Variants in STARD4 observed in about 807,000 individuals in gnomAD.
STARD4 encodes the protein StAR related lipid transfer domain containing 4.
In STARD4, 33 loss-of-function variants were observed where a neutral mutation model predicts 24.9. The observed-to-expected ratio is 1.32, with a 90% CI of 1.00 to 1.77. The LOEUF is 1.77. STARD4 is among the 40% of genes most tolerant of loss of function. The pLI is 0.00. For missense variants in STARD4, 238 were observed against 249.3 expected (o/e 0.95, Z 0.31); for synonymous variants, 88 against 77.4 (o/e 1.14, Z -0.72).
At chr5:111,504,493 T>C (rs1162734826) in intron 3 of STARD4, among the ~76,000 whole-genome samples, 2 of 152,154 alleles carry the variant, frequency 1.3e-5, no homozygotes, top group African/African-American at 4.8e-5. Context: ...TATAAATATA[T>C]GGTCAAAGTA....
chr5:111,503,522 C>G (rs866426469), intron 3 of STARD4, among the ~76,000 whole-genome samples: 2 of 151,830 alleles, frequency 1.3e-5, no homozygotes, highest in African/African-American at 2.4e-5. Flanking sequence ...CCAGCTGCTT[C>G]GGAGGCTGAG....
At chr5:111,504,913 A>G in intron 3 of STARD4, 1 of 432,096 alleles carries the variant, frequency 2.3e-6, no homozygotes, top group Non-Finnish European at 4.6e-6. Flanking sequence ...TGCCACCACC[A>G]TCGCTATCAT....
chr5:111,502,039 G>C lies in STARD4; in HGVS notation c.205C>G (p.His69Asp), dbSNP rs755248840. The C allele has an allele frequency of 1.9e-6, 3 of 1,614,026 alleles. No homozygotes were observed. ...IDDLVYSIID[H>D]IRPGPCRLDW... is the part of the protein sequence containing the mutation. The stretch of plus-strand genomic sequence containing the variant: ...AAACGACAAGGCCCTGGGCGTATAT[G>C]GTCTATTATACTATAGACAAGGTCA... Residue 69 changes from histidine (H) to aspartate (D), a missense_variant, in exon 4 of 6, where the codon CAT (histidine) becomes GAT (aspartate). Coordinates refer to ENST00000296632, the MANE Select transcript of STARD4 (RefSeq NM_139164.3).
chr5:111,506,193 C>CAAA (rs878865342), intron 3 of STARD4, 137 bp downstream of exon 3: 46 of 81,270 alleles, frequency 5.7e-4, no homozygotes, highest in Middle Eastern at 6.5e-3. Context: ...GACTCTGTCT[C>CAAA]AAAAAAAAAA....
At chr5:111,500,329 A>T (rs1756341533) in intron 5 of STARD4, 1 of 1,269,390 alleles carries the variant, frequency 7.9e-7, no homozygotes, top group Non-Finnish European at 9.9e-7. Flanking sequence ...TCCTTTCAGA[A>T]TACATGACAT....
rs1185026747 is a variant in STARD4 at position 111,500,070 on chromosome 5, A to C, written c.434T>G (p.Phe145Cys). The change falls in exon 6 of 6, where the codon TTT becomes TGT. Residue 145 changes from phenylalanine (F) to cysteine (C), a missense_variant. Physicochemically the swap from Phe to Cys is radical, Grantham distance 205. Coordinates refer to ENST00000296632, the MANE Select transcript of STARD4 (RefSeq NM_139164.3). ...ACAGGGATGGTTATATCCTCGAACA[A>C]ATTCTGGTCTCTTTTCATCCCAGTC... The part of the protein sequence containing the change: ...SLDWDEKRPE[F>C]VRGYNHPCGW... 6.2e-7 allele frequency: 1 copy of C among 1,613,592 alleles called. No individual in the cohort carries two copies. The highest frequency in any genetic ancestry group is 1.1e-5 in the South Asian group (1 of 91,044).
In STARD4 at chr5:111,499,924, A is replaced by C. The variant is rs1281732089; in HGVS notation, c.580T>G (p.Leu194Val). The C allele has an allele frequency of 9.3e-6, 15 of 1,614,152 alleles. No individual in the cohort carries two copies. Among genetic ancestry groups the C allele is most frequent in the Non-Finnish European group, 1.3e-5 (15 of 1,180,012 alleles). ...SAVDTAMASTLTNFYGDLRKA... is the reference protein window; with the variant it reads ...SAVDTAMASTVTNFYGDLRKA... Reference sequence around the variant, plus strand: ...CGTAAATCACCATAGAAGTTGGTTAAAGTGCTTGCCATGGCTGTATCTACC... The same window carrying C: ...CGTAAATCACCATAGAAGTTGGTTACAGTGCTTGCCATGGCTGTATCTACC... Residue 194 changes from leucine (L) to valine (V), a missense_variant, in exon 6 of 6, where the codon TTA becomes GTA. Transcript: ENST00000296632.
chr5:111,506,436 A>C, intron 2 of STARD4, 57 bp from the exon 3 acceptor site: 1 of 797,644 alleles, frequency 1.3e-6, no homozygotes, highest in African/African-American at 1.8e-5. Flanking sequence ...CCTAGACACA[A>C]AACTGATAAT....
At chr5:111,500,586 A>T in intron 5 of STARD4, 1 of 1,099,086 alleles carries the variant, frequency 9.1e-7, no homozygotes, top group Non-Finnish European at 1.1e-6. Flanking sequence ...GAGCCTTCCA[A>T]TGGCAGTATT....
At chr5:111,509,699 C>T (rs941252978) in intron 1 of STARD4, among the ~76,000 whole-genome samples, 1 of 152,072 alleles carries the variant, frequency 6.6e-6, no homozygotes, top group Admixed American at 6.5e-5. Context: ...TTACGTCTAG[C>T]ACTCAGTAGG....
Position 111,507,070 on chromosome 5 carries a change from T to C in STARD4, c.105+259A>G, listed in dbSNP as rs947500513. 2.0e-4 allele frequency among the ~76,000 whole-genome samples: 30 copies of C among 152,220 alleles called. No individual in the cohort carries two copies. The highest frequency in any genetic ancestry group is 7.2e-4 in the African/African-American group (30 of 41,460). Reference sequence around the variant, plus strand: ...TTTTATTTGCTGACTTAAGAGGCCATTCTTTAGGTTCTAGTTGCCATGAGC... The same window carrying C: ...TTTTATTTGCTGACTTAAGAGGCCACTCTTTAGGTTCTAGTTGCCATGAGC... On this transcript the variant is annotated intron_variant, in intron 2 of 5. Coordinates refer to ENST00000296632, the MANE Select transcript of STARD4 (RefSeq NM_139164.3). The surrounding 1 kb of genome is among the most constrained non-coding windows in gnomAD (Gnocchi z 4.4).
At chr5:111,509,994 C>T (rs947009134) in intron 1 of STARD4, among the ~76,000 whole-genome samples, 2 of 152,048 alleles carry the variant, frequency 1.3e-5, no homozygotes, top group Non-Finnish European at 2.9e-5. Flanking sequence ...ACAGAAATAA[C>T]AACAACAAAA....
At chr5:111,509,742 G>A (rs1757111163) in intron 1 of STARD4, among the ~76,000 whole-genome samples, 1 of 152,052 alleles carries the variant, frequency 6.6e-6, no homozygotes, top group Non-Finnish European at 1.5e-5. Flanking sequence ...AAAATGTATA[G>A]ACAATAAGCT....
Position 111,507,284 on chromosome 5 carries a change from T to G in STARD4, c.105+45A>C, listed in dbSNP as rs1756930725. 6.7e-7 allele frequency: 1 copy of G among 1,489,996 alleles called. No individual in the cohort carries two copies. The allele number at this position is 1,489,996 out of a possible 1,614,324, so 92.3% of individuals were successfully genotyped here. ...TTTTAAAAGTCATCAACCAATTCAT[T>G]AGATAGAAGATATACCCCAAATATA... On this transcript the variant is annotated intron_variant, in intron 2 of 5. Transcript: ENST00000296632. The surrounding 1 kb of genome is among the most constrained non-coding windows in gnomAD (Gnocchi z 4.4).
rs1260247614 is a variant in STARD4 at position 111,507,528 on chromosome 5, A to AAT, written c.-9-88_-9-87dup. On this transcript the variant is annotated intron_variant, in intron 1 of 5. Coordinates refer to ENST00000296632, the MANE Select transcript of STARD4 (RefSeq NM_139164.3). The surrounding 1 kb of genome is among the most constrained non-coding windows in gnomAD (Gnocchi z 4.4). ...GGTCTCGAATCTGGTTTCACAATAT[A>AAT]ATAACCTACCAGAGCTATAAAAGAT... The AAT allele has an allele frequency of 1.3e-5, 12 of 925,532 alleles. No homozygotes were observed. In the African/African-American group the frequency reaches 2.0e-4, roughly 15 times the overall value. 57.3% of individuals were successfully genotyped at this position (925,532 alleles called of 1,614,324 possible).
intron 3 of STARD4, among the ~76,000 whole-genome samples, chr5:111,504,708 A>G (rs559319811): frequency 5.3e-5 from 8 of 152,318 alleles, no homozygotes; most frequent in African/African-American, 1.9e-4. Context: ...GTATTCTTTA[A>G]CTTGGGGTAG....
intron 1 of STARD4, among the ~76,000 whole-genome samples, chr5:111,508,985 T>C (rs565262044): frequency 7.2e-5 from 11 of 152,138 alleles, no homozygotes; most frequent in Non-Finnish European, 1.5e-4. Context: ...TTTTAGGATC[T>C]ATGTAAGTGA....
rs1468180515 is a variant in STARD4 at position 111,499,577 on chromosome 5, A to C, written c.*309T>G. On this transcript the variant is annotated 3_prime_UTR_variant, in exon 6 of 6. Coordinates refer to ENST00000296632, the MANE Select transcript of STARD4 (RefSeq NM_139164.3). ...CGTGCACCTGTATTCCCAGCTATTC[A>C]GGAGGCTGAGGTAGAATAACCCCTT... 3.5e-6 allele frequency: 1 copy of C among 282,036 alleles called. No individual in the cohort carries two copies. Among genetic ancestry groups the C allele is most frequent in the African/African-American group, 2.2e-5 (1 of 45,146 alleles). 17.5% of individuals were successfully genotyped at this position (282,036 alleles called of 1,614,324 possible).
chr5:111,508,616 A>G (rs75811809), intron 1 of STARD4, among the ~76,000 whole-genome samples: 7,072 of 152,230 alleles, frequency 0.046, 522 homozygotes, highest in African/African-American at 0.16. Flanking sequence ...CTCTATGGGA[A>G]TAAGGCTGCA....
Sources: gnomAD v4.1 joint callset for allele counts (sites outside exome capture counted in the v4.1 genomes callset) on GRCh38, gnomAD v4.1.1 for gene constraint, Gnocchi (gnomAD v3.1) non-coding constraint, MANE v1.5 for transcripts, NCBI Gene and HGNC (gene_info 2026-07-23, HGNC 2026-07-21) for gene names.